Variants in RD3 observed in about 807,000 individuals in gnomAD.
RD3 encodes RD3 regulator of GUCY2D.
In RD3, 11 loss-of-function variants were observed where a neutral mutation model predicts 16.9. The ratio of observed to expected loss-of-function variants is 0.65; its 90% CI spans 0.41 to 1.08. The LOEUF (loss-of-function observed/expected upper bound fraction) is 1.08, where lower values mean the gene tolerates loss of function less well. Ranked by LOEUF, RD3 falls within the 50% of genes least tolerant of loss-of-function variation. The pLI, the probability that RD3 is intolerant of heterozygous loss-of-function variation, is 0.00. For synonymous variants in RD3, 116 were observed against 114.8 expected, an observed-to-expected ratio of 1.01 and a Z score of -0.07; for missense variants, 274 against 267.4, an observed-to-expected ratio of 1.02 and a Z score of -0.17.
In RD3 at chr1:211,479,291, C is replaced by A. The variant is rs1252324454; in HGVS notation, c.333G>T (p.Val111=). The A allele has an allele frequency of 1.9e-6, 3 of 1,604,700 alleles. No individual in the cohort carries two copies. Among genetic ancestry groups the A allele is most frequent in the Middle Eastern group, 1.7e-4 (1 of 6,036 alleles). The change falls in exon 3 of 3, where the codon GTG becomes GTT. Residue 111 remains valine (V), a synonymous_variant. Transcript: ENST00000680073. The part of the protein sequence containing the change: ...RQLLAEQEPE[V]QEVSQLFRSV... ...AGCGGAAGAGCTGGGACACCTCCTG[C>A]ACCTCGGGCTCCTGCTCCGCCAGCA...
chr1:211,487,403 C>T (rs983987489), intron 1 of RD3, among the ~76,000 whole-genome samples: 3 of 152,196 alleles, frequency 2.0e-5, no homozygotes, highest in African/African-American at 4.8e-5. Context: ...TAAATGTGTA[C>T]GCCTTTTCTC....
rs577835306 is a variant in RD3 at position 211,477,596 on chromosome 1, T to C, written c.*1440A>G. 1 of 152,740 alleles carries C rather than the reference T, an allele frequency of 6.5e-6. No individual in the cohort carries two copies. Among genetic ancestry groups the C allele is most frequent in the Non-Finnish European group, 1.5e-5 (1 of 68,414 alleles). 9.5% of individuals were successfully genotyped at this position (152,740 alleles called of 1,614,324 possible). The stretch of plus-strand genomic sequence containing the variant: ...AAGCCAATCAACTCTTTCATCTTGA[T>C]AGTGTTGGATCAGAGGTTTTCCACC... On this transcript the variant is annotated 3_prime_UTR_variant, in exon 3 of 3. Transcript: ENST00000680073.
At chr1:211,479,386 G>A in intron 2 of RD3, 59 bp from the exon 3 acceptor site, 4 of 1,513,014 alleles carry the variant, frequency 2.6e-6, no homozygotes, top group Admixed American at 1.9e-5. Flanking sequence ...CTGGCACCCC[G>A]GGCGTCTAAC....
chr1:211,479,471 C>T (rs1016674379), intron 2 of RD3, 144 bp from the exon 3 acceptor site: 1 of 725,166 alleles, frequency 1.4e-6, no homozygotes, highest in African/African-American at 1.8e-5. Flanking sequence ...TCAGGAACCA[C>T]CCCACGCTGC....
chr1:211,492,048 GGTGT>G lies in RD3; in HGVS notation c.-296_-293del, dbSNP rs34485370. The G allele has an allele frequency of 0.068, 9,406 of 137,686 alleles. 418 individuals carry two copies. The highest frequency in any genetic ancestry group is 0.13 in the African/African-American group (4,974 of 37,054). The allele number at this position is 137,686 out of a possible 1,614,324, so 8.5% of individuals were successfully genotyped here. Reference sequence around the variant, plus strand: ...TGGACTATTGTTTGTGGGGTGTGTAGGTGTGTGTGTGTGTGTGTGTGTGTGTGTG... The same window carrying G: ...TGGACTATTGTTTGTGGGGTGTGTAGGTGTGTGTGTGTGTGTGTGTGTGTG... On this transcript the variant is annotated 5_prime_UTR_variant, in exon 1 of 3. An upstream open reading frame in the 5' UTR gains an earlier in-frame stop. Coordinates refer to ENST00000680073, the MANE Select transcript of RD3 (RefSeq NM_001164688.2).
rs150183268 is a variant in RD3, at chr1:211,489,886, G to T, written c.-12+1882C>A. On this transcript the variant is annotated intron_variant, in intron 1 of 2. Transcript: ENST00000680073. Reference sequence around the variant, plus strand: ...GTGGATGATGGGGAAGCCCTCGCACGTTCTGTCTCTGCCTTTTGGTGTCAC... The same window carrying T: ...GTGGATGATGGGGAAGCCCTCGCACTTTCTGTCTCTGCCTTTTGGTGTCAC... Among the ~76,000 whole-genome samples the T allele has an allele frequency of 1.1e-3, 174 of 152,210 alleles. 1 individual carries two copies. Among genetic ancestry groups the T allele is most frequent in the African/African-American group, 4.1e-3 (169 of 41,534 alleles).
chr1:211,478,739 G>A lies in RD3; in HGVS notation c.*297C>T. 1 of 445,806 alleles carries A rather than the reference G, an allele frequency of 2.2e-6. No homozygotes were observed. The highest frequency in any genetic ancestry group is 4.0e-6 in the Non-Finnish European group (1 of 250,374). 27.6% of individuals were successfully genotyped at this position (445,806 alleles called of 1,614,324 possible). On this transcript the variant is annotated 3_prime_UTR_variant, in exon 3 of 3. Transcript: ENST00000680073. ...GACAGAACCAGGAGATGAGGATGGG[G>A]CAATGGTCTGTCTTCCAAAACCTTG...
chr1:211,481,456 C>G (rs1472375012), intron 1 of RD3, 30 bp from the exon 2 acceptor site: 9 of 1,604,130 alleles, frequency 5.6e-6, no homozygotes, highest in Non-Finnish European at 7.7e-6. Flanking sequence ...GTGCATCTTT[C>G]CTGGGCCCCT....
chr1:211,482,512 G>A (rs192893850), intron 1 of RD3, among the ~76,000 whole-genome samples: 123 of 151,956 alleles, frequency 8.1e-4, no homozygotes, highest in African/African-American at 2.9e-3. Flanking sequence ...AGGTGAGTGC[G>A]GGCTTCAGAC....
chr1:211,485,739 C>T (rs1363450242), intron 1 of RD3, among the ~76,000 whole-genome samples: 1 of 152,244 alleles, frequency 6.6e-6, no homozygotes, highest in African/African-American at 2.4e-5. Context: ...ACTTGGCTCA[C>T]CACCTGGCGA....
chr1:211,481,098 G>A (rs772625229), intron 2 of RD3, 22 bp downstream of exon 2: 28 of 1,612,648 alleles, frequency 1.7e-5, no homozygotes, highest in Non-Finnish European at 2.4e-5. Flanking sequence ...AGCCCAGCAA[G>A]GGTCCCCATC....
At chr1:211,487,794 A>G (rs1422010837) in intron 1 of RD3, among the ~76,000 whole-genome samples, 1 of 152,238 alleles carries the variant, frequency 6.6e-6, no homozygotes, top group Non-Finnish European at 1.5e-5. Context: ...ACTGAGGCGC[A>G]GGGCTGAGTT....
rs1407163175 is a variant in RD3, at chr1:211,483,251, C to T, written c.-11-1825G>A. The stretch of plus-strand genomic sequence containing the variant: ...CCGAGGAGGGCAGCTCACTTGAAGC[C>T]AGGAGTTTGAGACCATCCTGGCCAA... On this transcript the variant is annotated intron_variant, in intron 1 of 2. Transcript: ENST00000680073. Among the ~76,000 whole-genome samples the T allele has an allele frequency of 1.3e-5, 2 of 151,736 alleles. 1 individual carries two copies. The highest frequency in any genetic ancestry group is 4.9e-5 in the African/African-American group (2 of 41,082).
At position 211,483,260 on chromosome 1, in the gene RD3, G is replaced by A. The variant is rs1311702994; in HGVS notation, c.-11-1834C>T. The stretch of plus-strand genomic sequence containing the variant: ...GCAGCTCACTTGAAGCCAGGAGTTT[G>A]AGACCATCCTGGCCAACATGGTGAA... On this transcript the variant is annotated intron_variant, in intron 1 of 2. Transcript: ENST00000680073. Among the ~76,000 whole-genome samples the A allele has an allele frequency of 1.3e-5, 2 of 151,406 alleles. 1 individual carries two copies. The highest frequency in any genetic ancestry group is 4.9e-5 in the African/African-American group (2 of 40,762).
At chr1:211,489,032 C>T (rs547520231) in intron 1 of RD3, among the ~76,000 whole-genome samples, 224 of 152,340 alleles carry the variant, frequency 1.5e-3, no homozygotes, top group Non-Finnish European at 2.7e-3. Context: ...CCCTTCCCCT[C>T]CCGTGTATGC....
rs1705245576 is a variant in RD3, at chr1:211,480,991, GC to G, written c.296+128del. The G allele has an allele frequency of 4.1e-6, 4 of 966,744 alleles. No homozygotes were observed. In the South Asian group the frequency reaches 5.7e-5, roughly 14 times the overall value. The allele number at this position is 966,744 out of a possible 1,614,324, so 59.9% of individuals were successfully genotyped here. On this transcript the variant is annotated intron_variant, in intron 2 of 2. Coordinates refer to ENST00000680073, the MANE Select transcript of RD3 (RefSeq NM_001164688.2). ...TCTTTCAGACTCCTTTTCCCCTCTTGCTCCTTCTAACAGATAACTAGGTCAT... is the reference window on the plus strand; with the variant it reads ...TCTTTCAGACTCCTTTTCCCCTCTTGTCCTTCTAACAGATAACTAGGTCAT...
At chr1:211,481,057 T>A (rs1174027923) in intron 2 of RD3, 63 bp downstream of exon 2, 2 of 1,570,130 alleles carry the variant, frequency 1.3e-6, no homozygotes, top group Non-Finnish European at 1.7e-6. Flanking sequence ...CTCAGGCCCC[T>A]GCCACTGCAG....
rs376035442 is a variant in RD3 at position 211,479,029 on chromosome 1, G to T, written c.*7C>A. The T allele has an allele frequency of 6.3e-6, 10 of 1,593,190 alleles. No individual in the cohort carries two copies. The African/African-American group carries it at 9.4e-5, about 15-fold the overall frequency. On this transcript the variant is annotated 3_prime_UTR_variant, in exon 3 of 3. Transcript: ENST00000680073. ...GGCTCCGCTTCTGGGCAGGGAAGCG[G>T]CCGGGGTCAGTCGGCTTTGGGCGCC...
rs749154621 is a variant in RD3, at chr1:211,478,986, A to G, written c.*50T>C. 9.2e-6 allele frequency: 14 copies of G among 1,517,774 alleles called. No homozygotes were observed. The highest frequency in any genetic ancestry group is 2.5e-5 in the South Asian group (2 of 80,428). The allele number at this position is 1,517,774 out of a possible 1,614,324, so 94.0% of individuals were successfully genotyped here. A position where few individuals can be genotyped will look rare whatever the true frequency, so the allele number is the denominator to read the frequency against. The stretch of plus-strand genomic sequence containing the variant: ...GGCCCGGCGCTCCGGTCACCGGCCT[A>G]TCATTCCCCCTGCAGAAGGCTCCGC... On this transcript the variant is annotated 3_prime_UTR_variant, in exon 3 of 3. Coordinates refer to ENST00000680073, the MANE Select transcript of RD3 (RefSeq NM_001164688.2).
Sources: gnomAD v4.1 joint callset for allele counts (sites outside exome capture counted in the v4.1 genomes callset) on GRCh38, gnomAD v4.1.1 for gene constraint, MANE v1.5 for transcripts, NCBI Gene and HGNC (gene_info 2026-07-23, HGNC 2026-07-21) for gene names.